SLC4A7: variants seen among roughly 807,000 people sequenced by gnomAD.
The protein encoded by SLC4A7 is sodium bicarbonate cotransporter 3.
SLC4A7 carries 51 observed loss-of-function variants against 137.6 expected under a neutral mutation model. The ratio of observed to expected loss-of-function variants is 0.37; its 90% CI spans 0.30 to 0.47. SLC4A7 has a LOEUF of 0.47. Among genes scored for constraint, SLC4A7 ranks in the 20% least tolerant of loss-of-function variants. The pLI is 1.00. For synonymous variants in SLC4A7, 542 were observed against 518.6 expected, an observed-to-expected ratio of 1.05 and a Z score of -0.61; for missense variants, 1,247 against 1,525.4, an observed-to-expected ratio of 0.82 and a Z score of 3.04.
intron 1 of SLC4A7, among the ~76,000 whole-genome samples, chr3:27,478,572 G>A (rs1019620585): frequency 6.7e-6 from 1 of 149,126 alleles, no homozygotes; most frequent in Non-Finnish European, 1.5e-5. Context: ...ACAATTAACA[G>A]TGGACTATGC....
In SLC4A7 at chr3:27,458,914, C is replaced by T. The variant is rs189569828; in HGVS notation, c.61-6416G>A. Among the ~76,000 whole-genome samples, 355 of 152,196 alleles carry T rather than the reference C, an allele frequency of 2.3e-3. 1 individual carries two copies. The highest frequency in any genetic ancestry group is 0.014 in the Middle Eastern group (4 of 294). On this transcript the variant is annotated intron_variant, in intron 1 of 25. Coordinates refer to ENST00000454389, the MANE Select transcript of SLC4A7 (RefSeq NM_001321103.2). ...CTGAGGAAAGAGAATTGCTGGAACCCGGGAGGTGGAGGCTGCAGTGAGCTG... is the reference window on the plus strand; with the variant it reads ...CTGAGGAAAGAGAATTGCTGGAACCTGGGAGGTGGAGGCTGCAGTGAGCTG...
At chr3:27,432,982 G>C (rs1019806199) in intron 6 of SLC4A7, among the ~76,000 whole-genome samples, 1 of 152,020 alleles carries the variant, frequency 6.6e-6, no homozygotes, top group Non-Finnish European at 1.5e-5. Flanking sequence ...AATACAACAT[G>C]GCATAATTTT....
At chr3:27,443,931 A>T (rs1016122660) in intron 3 of SLC4A7, among the ~76,000 whole-genome samples, 1 of 152,206 alleles carries the variant, frequency 6.6e-6, no homozygotes, top group African/African-American at 2.4e-5. Flanking sequence ...GTTTAATTCT[A>T]TTGTGATCAG....
chr3:27,437,704 G>GAA (rs1164904868), intron 3 of SLC4A7, among the ~76,000 whole-genome samples, 178 bp from the exon 4 acceptor site: 1 of 124,982 alleles, frequency 8.0e-6, no homozygotes, highest in Non-Finnish European at 1.7e-5. Flanking sequence ...AACAATCCAG[G>GAA]AAAAAAAAAA....
At chr3:27,458,104 A>G (rs575187332) in intron 1 of SLC4A7, among the ~76,000 whole-genome samples, 1 of 152,234 alleles carries the variant, frequency 6.6e-6, no homozygotes, top group East Asian at 1.9e-4. Flanking sequence ...TTGGATATGC[A>G]GCAGAAATGT....
chr3:27,460,141 C>A (rs1472974124), intron 1 of SLC4A7, among the ~76,000 whole-genome samples: 1 of 151,816 alleles, frequency 6.6e-6, no homozygotes. Flanking sequence ...TCAAGCAATT[C>A]TCATGTCTCA....
intron 13 of SLC4A7, among the ~76,000 whole-genome samples, chr3:27,405,267 C>G (rs188130962): frequency 6.6e-6 from 1 of 151,966 alleles, no homozygotes; most frequent in Admixed American, 6.6e-5. Flanking sequence ...AGTGCCAATA[C>G]GACACTCAAA....
intron 1 of SLC4A7, among the ~76,000 whole-genome samples, chr3:27,467,751 G>T (rs1013373748): frequency 4.6e-5 from 7 of 152,230 alleles, no homozygotes; most frequent in Admixed American, 3.3e-4. Context: ...CAATGTATAA[G>T]ATCACCATCT....
chr3:27,394,969 C>T lies in SLC4A7; in HGVS notation c.2850G>A (p.Lys950=), dbSNP rs1337519073. 6 of 1,597,054 alleles carry T rather than the reference C, an allele frequency of 3.8e-6. No individual in the cohort carries two copies. In the African/African-American group the frequency reaches 4.1e-5, roughly 11 times the overall value. ...CTAAAATTACCTTCAATTTGTGTTC[C>T]TTTCTGTTTATAATTACAGCTGTGA... The part of the protein sequence containing the change: ...QQITAVIINR[K]EHKLKKGAGY... The change falls in exon 19 of 26, where the codon AAG becomes AAA. Residue 950 remains lysine (K), a synonymous_variant. Coordinates refer to ENST00000454389, the MANE Select transcript of SLC4A7 (RefSeq NM_001321103.2).
chr3:27,473,269 C>A (rs73050029), intron 1 of SLC4A7, among the ~76,000 whole-genome samples: 25,249 of 151,886 alleles, frequency 0.17, 2,478 homozygotes, highest in Non-Finnish European at 0.23. Context: ...TGTGAATAGC[C>A]ACCACGTTCT....
intron 1 of SLC4A7, among the ~76,000 whole-genome samples, chr3:27,466,939 A>G (rs1446201433): frequency 6.6e-6 from 1 of 152,200 alleles, no homozygotes; most frequent in Non-Finnish European, 1.5e-5. Context: ...ATCTCCATTA[A>G]CAATGGATGA....
chr3:27,408,731 T>C (rs2053624838), intron 13 of SLC4A7, among the ~76,000 whole-genome samples: 1 of 152,200 alleles, frequency 6.6e-6, no homozygotes, highest in African/African-American at 2.4e-5. Flanking sequence ...GAATACAGTA[T>C]AACCAGGAAC....
intron 3 of SLC4A7, among the ~76,000 whole-genome samples, chr3:27,445,931 C>CA (rs1164631983): frequency 2.4e-4 from 14 of 58,516 alleles, no homozygotes; most frequent in African/African-American, 5.6e-4. Context: ...GGCTCAGTCT[C>CA]AAAAAAAAAA....
At position 27,376,853 on chromosome 3, in the gene SLC4A7, A is replaced by C; in HGVS notation, c.3699-8T>G. On this transcript the variant is annotated splice_region_variant and splice_polypyrimidine_tract_variant and intron_variant, in intron 25 of 25. Coordinates refer to ENST00000454389, the MANE Select transcript of SLC4A7 (RefSeq NM_001321103.2). ...CTCACAGGTTTATCAGGACTATTTA[A>C]AACAAAGAATTAAAATAAATAATTT... 7.1e-7 allele frequency: 1 copy of C among 1,414,038 alleles called. No individual in the cohort carries two copies. The highest frequency in any genetic ancestry group is 9.7e-7 in the Non-Finnish European group (1 of 1,034,452). The allele number at this position is 1,414,038 out of a possible 1,614,324, so 87.6% of individuals were successfully genotyped here.
rs2049679323 is a variant in SLC4A7 at position 27,373,215 on chromosome 3, A to C, written c.*3549T>G. Reference sequence around the variant, plus strand: ...GTTCAATATGTGCTAATTAAATTTCATTTTAAAAATGATCTTTGGATGATT... The same window carrying C: ...GTTCAATATGTGCTAATTAAATTTCCTTTTAAAAATGATCTTTGGATGATT... On this transcript the variant is annotated 3_prime_UTR_variant, in exon 26 of 26. Transcript: ENST00000454389. 6.6e-6 allele frequency: 1 copy of C among 152,142 alleles called. No homozygotes were observed. The highest frequency in any genetic ancestry group is 1.5e-5 in the Non-Finnish European group (1 of 67,988). The allele number at this position is 152,142 out of a possible 1,614,324, so 9.4% of individuals were successfully genotyped here.
At chr3:27,429,820 G>A (rs1235603741) in intron 7 of SLC4A7, among the ~76,000 whole-genome samples, 2 of 151,758 alleles carry the variant, frequency 1.3e-5, no homozygotes, top group East Asian at 3.9e-4. Context: ...CTGCGCTCCA[G>A]TCTAGGCAAC....
rs1180370782 is a variant in SLC4A7, at chr3:27,465,963, AAAAGAAAG to A, written c.61-13473_61-13466del. Among the ~76,000 whole-genome samples the A allele has an allele frequency of 1.2e-3, 171 of 143,446 alleles. 3 individuals are homozygous for A. Among genetic ancestry groups the A allele is most frequent in the South Asian group, 3.0e-3 (14 of 4,650 alleles). 94.1% of individuals were successfully genotyped at this position (143,446 alleles called of 152,430 possible). A position where few individuals can be genotyped will look rare whatever the true frequency, so the allele number is the denominator to read the frequency against. On this transcript the variant is annotated intron_variant, in intron 1 of 25. Transcript: ENST00000454389. ...AGCAAGAGTCCGTCTCAAAAAAAAA[AAAAGAAAG>A]AAAGAAAGAAAGAAAACTGTACAGG... is the stretch of plus-strand genomic sequence containing the variant.
chr3:27,484,144 GT>G lies in SLC4A7; in HGVS notation c.-19del, dbSNP rs969081582. 1.0e-5 allele frequency: 14 copies of G among 1,361,326 alleles called. No homozygotes were observed. The African/African-American group carries it at 2.0e-4, about 19-fold the overall frequency. 84.3% of individuals were successfully genotyped at this position (1,361,326 alleles called of 1,614,324 possible). ...GCCTCCATGGCCGGCCGGCCAGCCC[GT>G]GACGGCCGCTACGGTACTGCCCCGC... On this transcript the variant is annotated 5_prime_UTR_variant, in exon 1 of 26. Transcript: ENST00000454389.
chr3:27,440,145 C>A (rs567302514), intron 3 of SLC4A7, among the ~76,000 whole-genome samples: 28 of 152,274 alleles, frequency 1.8e-4, no homozygotes, highest in Admixed American at 9.2e-4. Flanking sequence ...TATTCTCTTA[C>A]AGTTCTGGAT....
Sources: allele counts gnomAD v4.1 joint callset (sites outside exome capture counted in the v4.1 genomes callset), GRCh38; gene constraint gnomAD v4.1.1; transcripts MANE v1.5; gene names NCBI Gene and HGNC (gene_info 2026-07-23, HGNC 2026-07-21).